The following KLHL2 variants were observed in gnomAD, a reference collection of about 807,000 sequenced individuals.
KLHL2 encodes the protein kelch like family member 2.
In KLHL2, 15 loss-of-function variants were observed where a neutral mutation model predicts 75.8. That is an observed-to-expected ratio of 0.20 (90% CI 0.13 to 0.30). KLHL2 has a LOEUF of 0.30. Among genes scored for constraint, KLHL2 ranks in the 10% least tolerant of loss-of-function variants. The pLI is 1.00. For missense variants in KLHL2, 381 were observed against 741.0 expected (o/e 0.51, Z 5.64); for synonymous variants, 214 against 251.9 (o/e 0.85, Z 1.42).
At chr4:165,216,595 G>A (rs1339400026) in intron 1 of KLHL2, among the ~76,000 whole-genome samples, 2 of 152,032 alleles carry the variant, frequency 1.3e-5, no homozygotes, top group Non-Finnish European at 2.9e-5. Flanking sequence ...CAACCTAAAG[G>A]GTAAACCTTT....
chr4:165,234,405 A>C (rs1480346057), intron 3 of KLHL2, among the ~76,000 whole-genome samples: 6 of 152,066 alleles, frequency 3.9e-5, no homozygotes, highest in South Asian at 2.1e-4. Flanking sequence ...TCTGTGTTAC[A>C]CTTTTATTTT....
chr4:165,214,916 T>A (rs1441774800), intron 1 of KLHL2, among the ~76,000 whole-genome samples: 1 of 150,426 alleles, frequency 6.6e-6, no homozygotes, highest in Non-Finnish European at 1.5e-5. Flanking sequence ...CTTGGAGAAG[T>A]AAGTAATACA....
intron 3 of KLHL2, among the ~76,000 whole-genome samples, chr4:165,234,210 A>T (rs912104887): frequency 5.3e-5 from 8 of 152,244 alleles, no homozygotes; most frequent in African/African-American, 1.9e-4. Flanking sequence ...TGGGCCACCC[A>T]GATCAGCTTG....
At position 165,269,948 on chromosome 4, in the gene KLHL2, C is replaced by T. The variant is rs189697024; in HGVS notation, c.544+6589C>T. ...TGGTTCCATTCTCCCCATAACTCTC[C>T]GGTACACCAATCAAACGTATATTTG... On this transcript the variant is annotated intron_variant, in intron 5 of 14. Transcript: ENST00000226725. Among the ~76,000 whole-genome samples, 12 of 152,276 alleles carry T rather than the reference C, an allele frequency of 7.9e-5. No homozygotes were observed. The East Asian group carries it at 9.6e-4, about 12-fold the overall frequency.
intron 1 of KLHL2, chr4:165,208,499 C>T (rs1411945814): frequency 1.3e-5 from 2 of 152,138 alleles, no homozygotes; most frequent in Admixed American, 6.5e-5. Context: ...GTACCTCGGG[C>T]AAATTAGTAG....
intron 2 of KLHL2, among the ~76,000 whole-genome samples, chr4:165,220,817 G>A (rs1737926318): frequency 6.6e-6 from 1 of 152,156 alleles, no homozygotes. Flanking sequence ...TAATTCTCAA[G>A]TGTACTAAGG....
At chr4:165,310,856 T>G (rs1411780043) in intron 10 of KLHL2, 106 bp downstream of exon 10, 8 of 102,768 alleles carry the variant, frequency 7.8e-5, no homozygotes, top group Non-Finnish European at 1.4e-4. Context: ...GTTTTTTGTG[T>G]TTTTTTTTTT....
At chr4:165,318,093 C>A (rs1213876736) in intron 14 of KLHL2, 124 bp downstream of exon 14, 35 of 824,626 alleles carry the variant, frequency 4.2e-5, no homozygotes, top group Non-Finnish European at 4.8e-5. Context: ...ATATCTTATT[C>A]TTAAGATGAT....
chr4:165,249,857 G>T (rs1277878255), intron 4 of KLHL2, among the ~76,000 whole-genome samples: 6 of 152,190 alleles, frequency 3.9e-5, no homozygotes, highest in Admixed American at 1.3e-4. Context: ...GGGTACGGTG[G>T]CTCACGCCTG....
intron 4 of KLHL2, among the ~76,000 whole-genome samples, chr4:165,262,613 C>T (rs1313805399): frequency 6.6e-6 from 1 of 152,158 alleles, no homozygotes; most frequent in African/African-American, 2.4e-5. Context: ...GGGTCTCACT[C>T]TGTCACCCAG....
Position 165,207,873 on chromosome 4 carries a change from C to T in KLHL2, c.-4C>T. 1 of 1,449,178 alleles carries T rather than the reference C, an allele frequency of 6.9e-7. No homozygotes were observed. The highest frequency in any genetic ancestry group is 9.1e-7 in the Non-Finnish European group (1 of 1,094,326). The allele number at this position is 1,449,178 out of a possible 1,614,324, so 89.8% of individuals were successfully genotyped here. On this transcript the variant is annotated 5_prime_UTR_variant, in exon 1 of 15. Transcript: ENST00000226725. The surrounding 1 kb of genome is among the most constrained non-coding windows in gnomAD (Gnocchi z 4.2). ...CTGCGTTCTGAAGCCCGAGAGGAGC[C>T]ACAATGGAGACGCCGCCGCTGCCTC...
chr4:165,303,129 C>G (rs1745458652), intron 8 of KLHL2, among the ~76,000 whole-genome samples: 1 of 152,046 alleles, frequency 6.6e-6, no homozygotes. Flanking sequence ...TCCTGGAGAC[C>G]CAAATCGTTA....
chr4:165,231,112 CT>C (rs35763371), intron 3 of KLHL2, among the ~76,000 whole-genome samples: 3 of 143,688 alleles, frequency 2.1e-5, no homozygotes, highest in Non-Finnish European at 4.6e-5. Flanking sequence ...GAGTACCTAA[CT>C]TTTTTTTTAC....
chr4:165,263,818 T>G (rs1741920836), intron 5 of KLHL2, among the ~76,000 whole-genome samples: 1 of 148,518 alleles, frequency 6.7e-6, no homozygotes, highest in Non-Finnish European at 1.5e-5. Flanking sequence ...TTTTTTTTTT[T>G]TTTTTTTTTT....
In KLHL2 at chr4:165,311,511, C is replaced by A; in HGVS notation, c.1285C>A (p.His429Asn). ...CAACATAAAGTCTAATGAGTGGTTTCATGTAGCTCCCATGAATACAAGGAG... is the reference window on the plus strand; with the variant it reads ...CAACATAAAGTCTAATGAGTGGTTTAATGTAGCTCCCATGAATACAAGGAG... ...AYNIKSNEWF[H>N]VAPMNTRRSS... The change falls in exon 11 of 15, where the codon CAT becomes AAT. Residue 429 changes from histidine (H) to asparagine (N), a missense_variant. Coordinates refer to ENST00000226725, the MANE Select transcript of KLHL2 (RefSeq NM_007246.4). The A allele has an allele frequency of 6.2e-7, 1 of 1,613,936 alleles. No individual in the cohort carries two copies. Among genetic ancestry groups the A allele is most frequent in the East Asian group, 2.2e-5 (1 of 44,860 alleles).
At chr4:165,284,196 A>T (rs1274977563) in intron 5 of KLHL2, among the ~76,000 whole-genome samples, 1 of 152,192 alleles carries the variant, frequency 6.6e-6, no homozygotes, top group African/African-American at 2.4e-5. Flanking sequence ...CTTGTAACTT[A>T]TGCAAATTTC....
At chr4:165,223,051 C>T (rs1738133461) in intron 2 of KLHL2, among the ~76,000 whole-genome samples, 2 of 152,206 alleles carry the variant, frequency 1.3e-5, no homozygotes, top group Non-Finnish European at 2.9e-5. Flanking sequence ...AGAAAAAGTA[C>T]ATGACATTTT....
At chr4:165,231,088 A>G (rs1488622376) in intron 3 of KLHL2, among the ~76,000 whole-genome samples, 1 of 152,248 alleles carries the variant, frequency 6.6e-6, no homozygotes, top group African/African-American at 2.4e-5. Flanking sequence ...TGGCACATAT[A>G]CAAAATGTGA....
chr4:165,288,445 A>G (rs1241019560), intron 5 of KLHL2, among the ~76,000 whole-genome samples: 1 of 152,198 alleles, frequency 6.6e-6, no homozygotes, highest in Non-Finnish European at 1.5e-5. Flanking sequence ...TTGCATGGAG[A>G]GGATAAGTAA....
Sources: gnomAD v4.1 joint callset for allele counts (sites outside exome capture counted in the v4.1 genomes callset) on GRCh38, gnomAD v4.1.1 for gene constraint, Gnocchi (gnomAD v3.1) non-coding constraint, MANE v1.5 for transcripts, NCBI Gene and HGNC (gene_info 2026-07-23, HGNC 2026-07-21) for gene names.